The following SRGAP1 variants were observed in gnomAD, a reference collection of about 807,000 sequenced individuals.
SRGAP1 encodes the protein SLIT-ROBO Rho GTPase-activating protein 1.
SRGAP1 carries 43 observed loss-of-function variants against 121.9 expected under a neutral mutation model. That is an observed-to-expected ratio of 0.35 (90% confidence interval 0.28 to 0.46). The LOEUF is 0.46. Among genes scored for constraint, SRGAP1 ranks in the 20% least tolerant of loss-of-function variants. The probability of loss-of-function intolerance (pLI) is 1.00; values close to 1 mark genes in which losing one functional copy is unlikely to be tolerated. For synonymous variants in SRGAP1, 447 were observed against 485.4 expected, an observed-to-expected ratio of 0.92 and a Z score of 1.04; for missense variants, 1,102 against 1,350.9, an observed-to-expected ratio of 0.82 and a Z score of 2.89.
At chr12:63,873,858 T>C (rs1899940380) in intron 1 of SRGAP1, among the ~76,000 whole-genome samples, 1 of 151,508 alleles carries the variant, frequency 6.6e-6, no homozygotes. Context: ...CGAAACTCTG[T>C]CTCTACAAAA....
intron 10 of SRGAP1, among the ~76,000 whole-genome samples, chr12:64,082,487 A>G (rs2035865794): frequency 6.7e-6 from 1 of 149,044 alleles, no homozygotes; most frequent in South Asian, 2.1e-4. Context: ...TTTCACTGTC[A>G]TCGCCCAGGC....
At chr12:63,859,194 C>G (rs67799338) in intron 1 of SRGAP1, among the ~76,000 whole-genome samples, 1 of 151,796 alleles carries the variant, frequency 6.6e-6, no homozygotes, top group Non-Finnish European at 1.5e-5. Context: ...TTTTTTGAGA[C>G]GAGGTCTTAC....
At chr12:64,136,400 G>C (rs1366231117) in intron 21 of SRGAP1, among the ~76,000 whole-genome samples, 3 of 152,154 alleles carry the variant, frequency 2.0e-5, no homozygotes, top group Admixed American at 2.0e-4. Flanking sequence ...AGTGAGAAAA[G>C]AGGTTAATAG....
At position 64,142,616 on chromosome 12, in the gene SRGAP1, AC is replaced by A; in HGVS notation, c.3204del (p.Ile1069Ter). 2 of 1,614,064 alleles carry A rather than the reference AC, an allele frequency of 1.2e-6. No individual in the cohort carries two copies. The highest frequency in any genetic ancestry group is 1.7e-6 in the Non-Finnish European group (2 of 1,180,008). On this transcript the variant is annotated frameshift_variant, in exon 22 of 22. Transcript: ENST00000355086. ...KPAVLPKTNPTIGPAPPPQGP... is the reference protein window; with the variant it reads ...KPAVLPKTNPXIGPAPPPQGP... ...TGCTGTTCTTCCAAAAACAAATCCT[AC>A]CATAGGACCTGCCCCACCTCCCCAG...
chr12:63,909,799 T>C (rs1343354362), intron 1 of SRGAP1, among the ~76,000 whole-genome samples: 2 of 152,208 alleles, frequency 1.3e-5, no homozygotes, highest in African/African-American at 4.8e-5. Flanking sequence ...CCCAAATCTG[T>C]AGGGCATGCT....
chr12:64,101,308 G>A (rs1034204645), intron 15 of SRGAP1, among the ~76,000 whole-genome samples: 1 of 138,010 alleles, frequency 7.2e-6, no homozygotes, highest in Non-Finnish European at 1.6e-5. Flanking sequence ...TGGGGAAAGG[G>A]GTGTGTGTGT....
rs569954128 is a variant in SRGAP1 at position 64,025,503 on chromosome 12, G to A, written c.489+8491G>A. On this transcript the variant is annotated intron_variant, in intron 4 of 21. Coordinates refer to ENST00000355086, the MANE Select transcript of SRGAP1 (RefSeq NM_020762.4). Reference sequence around the variant, plus strand: ...AATTTGAAACATATATTTCTGTAGTGAAAATGAAAATTCATTCCTTTGAGA... The same window carrying A: ...AATTTGAAACATATATTTCTGTAGTAAAAATGAAAATTCATTCCTTTGAGA... Among the ~76,000 whole-genome samples, 173 of 152,246 alleles carry A rather than the reference G, an allele frequency of 1.1e-3. 1 individual carries two copies. The highest frequency in any genetic ancestry group is 6.8e-3 in the Middle Eastern group (2 of 294).
intron 1 of SRGAP1, among the ~76,000 whole-genome samples, chr12:63,938,373 C>G (rs570095959): frequency 6.6e-6 from 1 of 152,174 alleles, no homozygotes. Context: ...TGGAGTCTTC[C>G]AGGCTTGCCA....
intron 21 of SRGAP1, among the ~76,000 whole-genome samples, chr12:64,128,992 G>A (rs2036742895): frequency 6.6e-6 from 1 of 152,046 alleles, no homozygotes; most frequent in Non-Finnish European, 1.5e-5. Context: ...AGGCCTAGTG[G>A]GTGGCTTACA....
chr12:63,970,283 C>G (rs2032906392), intron 1 of SRGAP1, among the ~76,000 whole-genome samples: 1 of 152,114 alleles, frequency 6.6e-6, no homozygotes, highest in South Asian at 2.1e-4. Context: ...TGAAGGAGGA[C>G]AGTATTTCTC....
At chr12:64,123,460 T>G (rs1233323709) in intron 18 of SRGAP1, among the ~76,000 whole-genome samples, 2 of 152,214 alleles carry the variant, frequency 1.3e-5, no homozygotes, top group South Asian at 4.1e-4. Flanking sequence ...CCAGGATTTA[T>G]TCTTTAAGTT....
intron 15 of SRGAP1, among the ~76,000 whole-genome samples, chr12:64,101,350 T>TGTGTGA (rs1244966634): frequency 6.7e-6 from 1 of 150,196 alleles, no homozygotes; most frequent in Non-Finnish European, 1.5e-5. Flanking sequence ...TGTGTGTGTG[T>TGTGTGA]GATGAGTAGT....
At chr12:64,025,081 TTG>T (rs1348147170) in intron 4 of SRGAP1, among the ~76,000 whole-genome samples, 1 of 151,472 alleles carries the variant, frequency 6.6e-6, no homozygotes, top group African/African-American at 2.4e-5. Flanking sequence ...AAAAGCAGAG[TTG>T]ATGTGAGCAC....
chr12:64,037,629 T>G (rs746850688), intron 4 of SRGAP1, among the ~76,000 whole-genome samples: 17 of 152,258 alleles, frequency 1.1e-4, no homozygotes, highest in Admixed American at 7.2e-4. Flanking sequence ...CTTTCCAAGT[T>G]CTTCCCTGGA....
chr12:64,064,826 A>T (rs1408356084), intron 7 of SRGAP1, among the ~76,000 whole-genome samples: 1 of 152,166 alleles, frequency 6.6e-6, no homozygotes, highest in African/African-American at 2.4e-5. Context: ...TCCACGAGTG[A>T]GATTTCAGCA....
chr12:63,879,143 T>G (rs979845448), intron 1 of SRGAP1: 1 of 152,550 alleles, frequency 6.6e-6, no homozygotes, highest in Non-Finnish European at 1.5e-5. Context: ...CAGCTGGGAC[T>G]ATTGGTGAGC....
At chr12:63,916,263 G>T (rs544618080) in intron 1 of SRGAP1, among the ~76,000 whole-genome samples, 16 of 151,972 alleles carry the variant, frequency 1.1e-4, no homozygotes, top group Non-Finnish European at 1.8e-4. Flanking sequence ...GAGCTCTAGG[G>T]ATCTGCCCAC....
rs553858188 is a variant in SRGAP1 at position 64,160,324 on chromosome 12, T to C, written c.*17652T>C. On this transcript the variant is annotated 3_prime_UTR_variant, in exon 22 of 22. Transcript: ENST00000355086. The stretch of plus-strand genomic sequence containing the variant: ...CTGATTGAGAGTGTATTTTGAGACA[T>C]TCCATGTCTAGAAAGTGTCTTTATC... 6.6e-6 allele frequency: 1 copy of C among 152,332 alleles called. No homozygotes were observed. The highest frequency in any genetic ancestry group is 2.1e-4 in the South Asian group (1 of 4,828). The allele number at this position is 152,332 out of a possible 1,614,324, so 9.4% of individuals were successfully genotyped here.
intron 3 of SRGAP1, among the ~76,000 whole-genome samples, chr12:64,002,902 A>C (rs991898507): frequency 2.0e-5 from 3 of 152,094 alleles, no homozygotes; most frequent in Admixed American, 6.5e-5. Flanking sequence ...ATTACTCAGC[A>C]TACAAAGAAC....
Sources: allele counts gnomAD v4.1 joint callset (sites outside exome capture counted in the v4.1 genomes callset), GRCh38; gene constraint gnomAD v4.1.1; transcripts MANE v1.5; gene names NCBI Gene and HGNC (gene_info 2026-07-23, HGNC 2026-07-21).